HERC2: variants seen among roughly 807,000 people sequenced by gnomAD.
The protein encoded by HERC2 is E3 ubiquitin-protein ligase HERC2.
In HERC2, 102 loss-of-function variants were observed where a neutral mutation model predicts 537.7. The observed-to-expected ratio is 0.19, with a 90% CI of 0.16 to 0.22. The LOEUF (loss-of-function observed/expected upper bound fraction) is 0.22, where lower values mean the gene tolerates loss of function less well. Among genes scored for constraint, HERC2 ranks in the 10% least tolerant of loss-of-function variants. HERC2 has a pLI of 1.00. For synonymous variants in HERC2, 2,224 were observed against 2,466.2 expected (o/e 0.90, Z 2.91); for missense variants, 4,236 against 6,198.2 (o/e 0.68, Z 10.63).
chr15:28,279,094 C>T, intron 5 of HERC2, among the ~76,000 whole-genome samples: 1 of 152,194 alleles, frequency 6.6e-6, no homozygotes, highest in East Asian at 1.9e-4. Context: ...CGGGATCAAG[C>T]AATTCTCCTG....
At chr15:28,295,519 C>T (rs1436192494) in intron 3 of HERC2, among the ~76,000 whole-genome samples, 3 of 152,148 alleles carry the variant, frequency 2.0e-5, no homozygotes, top group Admixed American at 2.0e-4. Context: ...CGTGCCTCAG[C>T]CCCCAAGGAG....
intron 21 of HERC2, among the ~76,000 whole-genome samples, 156 bp from the exon 22 acceptor site, chr15:28,247,053 T>A (rs1295469293): frequency 6.6e-6 from 1 of 152,230 alleles, no homozygotes; most frequent in Non-Finnish European, 1.5e-5. Flanking sequence ...GCGCTCTTTC[T>A]GTATCATGTG....
chr15:28,213,192 GAC>G (rs939514907), intron 42 of HERC2, among the ~76,000 whole-genome samples: 2 of 119,558 alleles, frequency 1.7e-5, no homozygotes, highest in Admixed American at 9.2e-5. Context: ...CAGCCTGGGT[GAC>G]AAGAGCAAGA....
chr15:28,217,703 T>C (rs994316491), intron 38 of HERC2, among the ~76,000 whole-genome samples: 6 of 152,198 alleles, frequency 3.9e-5, no homozygotes, highest in African/African-American at 1.4e-4. Flanking sequence ...AGGTAAGAAT[T>C]TAGGTGACAT....
rs1446245060 is a variant in HERC2 at position 28,116,783 on chromosome 15, G to A, written c.13491C>T (p.Leu4497=). 1.2e-6 allele frequency: 2 copies of A among 1,613,878 alleles called. No individual in the cohort carries two copies. Among genetic ancestry groups the A allele is most frequent in the Admixed American group, 1.7e-5 (1 of 59,992 alleles). Residue 4497 remains leucine, a synonymous_variant, in exon 88 of 93, where the codon CTC becomes CTT. Transcript: ENST00000261609. ...AEICEELQNG[L]TPLLIVTPNG... ...TGGGTGTCACGATCAGCAGGGGCGT[G>A]AGTCCGTTCTGCAGCTCCTCACAGA... is the stretch of plus-strand genomic sequence containing the variant.
intron 35 of HERC2, among the ~76,000 whole-genome samples, chr15:28,224,152 CACACACACACACACAG>C (rs1900838545): frequency 6.7e-6 from 1 of 149,878 alleles, no homozygotes; most frequent in African/African-American, 2.5e-5. Context: ...CACACACCCA[CACACACACACACACAG>C]AGAGAGAGAG....
At chr15:28,251,964 C>T (rs1178960920) in intron 20 of HERC2, among the ~76,000 whole-genome samples, 1 of 152,122 alleles carries the variant, frequency 6.6e-6, no homozygotes, top group African/African-American at 2.4e-5. Flanking sequence ...ATATGTAGCA[C>T]ATTTCAATTT....
At chr15:28,149,221 G>T (rs557942435) in intron 70 of HERC2, among the ~76,000 whole-genome samples, 10 of 150,894 alleles carry the variant, frequency 6.6e-5, no homozygotes, top group African/African-American at 2.4e-4. Context: ...AATACACGCA[G>T]CTCCTAACTG....
In HERC2 at chr15:28,192,080, G is replaced by T; in HGVS notation, c.8332C>A (p.Leu2778Met). The T allele has an allele frequency of 6.2e-7, 1 of 1,613,980 alleles. No homozygotes were observed. ...KRCHSSQPGM[L>M]LDSWSRMVKS... ...ACCATGCGGGACCAGCTGTCCAGCA[G>T]CATGCCTGGCTGGCTGCTGTGGCAA... The change falls in exon 53 of 93, where the codon CTG becomes ATG. Residue 2778 changes from leucine to methionine, a missense_variant. By Grantham distance (15) the Leu-to-Met change is conservative. Coordinates refer to ENST00000261609, the MANE Select transcript of HERC2 (RefSeq NM_004667.6).
At chr15:28,186,427 A>G in intron 56 of HERC2, 150 bp downstream of exon 56, 1 of 562,306 alleles carries the variant, frequency 1.8e-6, no homozygotes, top group Non-Finnish European at 3.0e-6. Flanking sequence ...TAAAAAATAC[A>G]ATTTTTGGAA....
intron 42 of HERC2, 57 bp downstream of exon 42, chr15:28,213,685 T>C: frequency 1.2e-6 from 2 of 1,611,758 alleles, no homozygotes; most frequent in Non-Finnish European, 1.7e-6. Flanking sequence ...TGGTGCTCGG[T>C]TCTAGTGTAA....
intron 69 of HERC2, among the ~76,000 whole-genome samples, chr15:28,159,945 C>G (rs1893405790): frequency 6.6e-6 from 1 of 151,970 alleles, no homozygotes; most frequent in South Asian, 2.1e-4. Context: ...AGTTTTCCTT[C>G]TAACAGTCAG....
chr15:28,275,737 C>T (rs1379865813), intron 5 of HERC2, among the ~76,000 whole-genome samples: 20 of 151,622 alleles, frequency 1.3e-4, no homozygotes, highest in Admixed American at 9.9e-4. Flanking sequence ...GAGCCAAGAT[C>T]GCGCCACTGC....
intron 16 of HERC2, among the ~76,000 whole-genome samples, chr15:28,257,711 G>C (rs1270275799): frequency 1.3e-5 from 2 of 151,376 alleles, no homozygotes; most frequent in Non-Finnish European, 2.9e-5. Context: ...CTAATTTATA[G>C]AACATTTCAC....
At chr15:28,160,494 C>G (rs924472641) in intron 69 of HERC2, among the ~76,000 whole-genome samples, 2 of 152,214 alleles carry the variant, frequency 1.3e-5, no homozygotes, top group African/African-American at 4.8e-5. Context: ...GCTGTGCTAG[C>G]AATGAGCGAG....
At chr15:28,154,844 C>A (rs1230022003) in intron 69 of HERC2, among the ~76,000 whole-genome samples, 2 of 152,000 alleles carry the variant, frequency 1.3e-5, no homozygotes, top group African/African-American at 4.8e-5. Context: ...TACACATGTG[C>A]CATGTTGTTG....
At chr15:28,184,422 C>G (rs1027669012) in intron 56 of HERC2, among the ~76,000 whole-genome samples, 1 of 152,046 alleles carries the variant, frequency 6.6e-6, no homozygotes, top group Non-Finnish European at 1.5e-5. Context: ...AAGTTATTAG[C>G]TAATTAATAA....
rs573755878 is a variant in HERC2 at position 28,142,159 on chromosome 15, G to A, written c.11700+79C>T. On this transcript the variant is annotated intron_variant, in intron 76 of 92. Transcript: ENST00000261609. ...GGCAAGCGAAATTTTTCTGTGTCTC[G>A]TAATATTGGCATCTTGTTACACTAT... 5.6e-5 allele frequency: 83 copies of A among 1,495,072 alleles called. 1 individual carries two copies. The South Asian group carries it at 5.8e-4, about 10-fold the overall frequency. 92.6% of individuals were successfully genotyped at this position (1,495,072 alleles called of 1,614,324 possible). A position where few individuals can be genotyped will look rare whatever the true frequency, so the allele number is the denominator to read the frequency against.
chr15:28,224,208 G>A (rs1328934338), intron 35 of HERC2, among the ~76,000 whole-genome samples: 1 of 150,396 alleles, frequency 6.6e-6, no homozygotes, highest in Non-Finnish European at 1.5e-5. Context: ...CAGATAGATA[G>A]AAAGATTCCC....
Sources: allele counts gnomAD v4.1 joint callset (sites outside exome capture counted in the v4.1 genomes callset), GRCh38; gene constraint gnomAD v4.1.1; transcripts MANE v1.5; gene names NCBI Gene and HGNC (gene_info 2026-07-23, HGNC 2026-07-21).